TAF1: variants seen among roughly 807,000 people sequenced by gnomAD.
TAF1 encodes transcription initiation factor TFIID subunit 1.
A neutral mutation model predicts 138.5 loss-of-function variants in TAF1; 2 were observed. The ratio of observed to expected loss-of-function variants is 0.01; its 90% CI spans 0.01 to 0.05. TAF1 has a LOEUF of 0.05. Among genes scored for constraint, TAF1 ranks in the 10% least tolerant of loss-of-function variants. TAF1 has a pLI of 1.00. For synonymous variants in TAF1, 437 were observed against 503.2 expected (o/e 0.87, Z 1.76); for missense variants, 709 against 1,478.0 (o/e 0.48, Z 8.53).
In TAF1 at chrX:71,381,962, C is replaced by CT. The variant is rs753190216; in HGVS notation, c.1537+45dup. On this transcript the variant is annotated intron_variant, in intron 9 of 37. Transcript: ENST00000423759. ...GCCAGTGTTTCTTCTCCTTTGAAAA[C>CT]TTGCTGTTAATGTCAACGGGCAGGA... is the stretch of plus-strand genomic sequence containing the variant. The CT allele has an allele frequency of 1.6e-5, 18 of 1,109,675 alleles. No individual in the cohort carries two copies. In the African/African-American group the frequency reaches 3.2e-4, roughly 20 times the overall value. The allele number at this position is 1,109,675 out of a possible 1,213,427, so 91.4% of individuals were successfully genotyped here.
intron 32 of TAF1, among the ~76,000 whole-genome samples, chrX:71,439,991 A>G (rs901355290): frequency 9.0e-6 from 1 of 110,998 alleles, no homozygotes; most frequent in Non-Finnish European, 1.9e-5. Context: ...AGTGTGTGCA[A>G]TTTCGTGCCA....
rs1245071517 is a variant in TAF1 at position 71,464,028 on chromosome X, C to T, written c.5604C>T (p.Asp1868=). 5.9e-6 allele frequency: 7 copies of T among 1,192,255 alleles called. No individual in the cohort carries two copies. The Admixed American group carries it at 1.2e-4, about 20-fold the overall frequency. The change falls in exon 38 of 38, where the codon GAC becomes GAT. Residue 1868 remains aspartate (D), a synonymous_variant. Coordinates refer to ENST00000423759, the MANE Select transcript of TAF1 (RefSeq NM_004606.5). ...TCCACTCCATTGCTGGGGACAGTGACTTGGACTCTGATGAATGAGGCTTCC... is the reference window on the plus strand; with the variant it reads ...TCCACTCCATTGCTGGGGACAGTGATTTGGACTCTGATGAATGAGGCTTCC... ...EDFHSIAGDS[D]LDSDE is the part of the protein sequence containing the mutation.
At chrX:71,377,861 G>A (rs770800420) in intron 6 of TAF1, 40 bp downstream of exon 6, 1 of 1,108,828 alleles carries the variant, frequency 9.0e-7, no homozygotes, top group Non-Finnish European at 1.2e-6. Context: ...CCTATGAGAG[G>A]AACAAATGAA....
At chrX:71,411,757 T>G (rs1206266494) in intron 28 of TAF1, among the ~76,000 whole-genome samples, 1 of 112,141 alleles carries the variant, frequency 8.9e-6, no homozygotes, top group Non-Finnish European at 1.9e-5. Context: ...GTCAGGTTTT[T>G]TGTTTGTTTG....
intron 13 of TAF1, among the ~76,000 whole-genome samples, chrX:71,504,525 A>G (rs2039580548): frequency 9.2e-6 from 1 of 108,861 alleles, no homozygotes; most frequent in African/African-American, 3.4e-5. Flanking sequence ...GTCAAGTGGA[A>G]CCACCCTATT....
chrX:71,454,094 C>A, intron 32 of TAF1, 76 bp from the exon 33 acceptor site: 1 of 905,462 alleles, frequency 1.1e-6, no homozygotes, highest in African/African-American at 1.9e-5. Context: ...GATAATGGGA[C>A]ACACTGCTGA....
At chrX:71,470,245 T>C (rs1435879576), downstream of TAF1, among the ~76,000 whole-genome samples, 1 of 110,819 alleles carries the variant, frequency 9.0e-6, no homozygotes, top group Non-Finnish European at 1.9e-5. Context: ...TTATAAAAGT[T>C]TAAAAAACAT....
At chrX:71,488,588 G>C (rs1200257758) in intron 13 of TAF1, among the ~76,000 whole-genome samples, 1 of 110,705 alleles carries the variant, frequency 9.0e-6, no homozygotes, top group Non-Finnish European at 1.9e-5. Context: ...CAGATCTCCA[G>C]AGCTTTCTCT....
At chrX:71,404,611 A>G (rs2035357489) in intron 25 of TAF1, among the ~76,000 whole-genome samples, 1 of 111,921 alleles carries the variant, frequency 8.9e-6, no homozygotes, top group South Asian at 3.6e-4. Flanking sequence ...TGCTGAGATT[A>G]TAGACATGAG....
At chrX:71,508,086 C>CTCTCTCTATATA (rs4040068) in intron 13 of TAF1, among the ~76,000 whole-genome samples, 23 of 92,180 alleles carry the variant, frequency 2.5e-4, no homozygotes, top group African/African-American at 8.6e-4. Flanking sequence ...CTCTCTCTCT[C>CTCTCTCTATATA]TATATATATA....
At chrX:71,491,182 A>G (rs1290344402) in intron 13 of TAF1, 1 of 109,230 alleles carries the variant, frequency 9.2e-6, no homozygotes, top group Non-Finnish European at 1.9e-5. Flanking sequence ...CATCTTTTTC[A>G]TAGGCAGAAT....
intron 7 of TAF1, 57 bp downstream of exon 7, chrX:71,378,510 A>G (rs957671681): frequency 1.7e-5 from 20 of 1,152,794 alleles, no homozygotes; most frequent in Non-Finnish European, 2.4e-5. Flanking sequence ...TATTACTTTT[A>G]CTAACTTTAC....
intron 25 of TAF1, among the ~76,000 whole-genome samples, chrX:71,403,479 T>C (rs190390317): frequency 9.8e-5 from 11 of 112,414 alleles, no homozygotes; most frequent in African/African-American, 3.5e-4. Context: ...TTAGGTGATA[T>C]GCTTACTGTA....
intron 32 of TAF1, among the ~76,000 whole-genome samples, chrX:71,437,135 GTTTA>G (rs1159035282): frequency 9.0e-6 from 1 of 110,751 alleles, no homozygotes; most frequent in Non-Finnish European, 1.9e-5. Context: ...TTTTTATTTT[GTTTA>G]TTTATTTTTC....
intron 7 of TAF1, 135 bp from the exon 8 acceptor site, chrX:71,378,689 C>G: frequency 2.7e-6 from 2 of 731,978 alleles, no homozygotes; most frequent in Non-Finnish European, 4.1e-6. Context: ...GGCAAATATT[C>G]CTCCGTTATC....
At chrX:71,382,052 A>C (rs977681372) in intron 9 of TAF1, 133 bp downstream of exon 9, 6 of 732,700 alleles carry the variant, frequency 8.2e-6, no homozygotes, top group Non-Finnish European at 1.1e-5. Flanking sequence ...GAGAGAGCGA[A>C]GTTTTGGCTG....
At chrX:71,512,542 C>T (rs893274026) in intron 13 of TAF1, among the ~76,000 whole-genome samples, 2 of 110,730 alleles carry the variant, frequency 1.8e-5, no homozygotes, top group East Asian at 5.7e-4. Context: ...AGGCCAGGCG[C>T]GGTGGCTCAT....
intron 32 of TAF1, among the ~76,000 whole-genome samples, chrX:71,444,697 A>G (rs1382372042): frequency 9.0e-6 from 1 of 110,860 alleles, no homozygotes; most frequent in Non-Finnish European, 1.9e-5. Context: ...AAGTCCTGGG[A>G]TTACAGGTGT....
intron 28 of TAF1, among the ~76,000 whole-genome samples, chrX:71,410,242 T>A (rs1280867639): frequency 9.1e-6 from 1 of 110,385 alleles, no homozygotes; most frequent in African/African-American, 3.3e-5. Flanking sequence ...GATACTGTTA[T>A]AACCCTCATT....
Sources: gnomAD v4.1 joint callset for allele counts (sites outside exome capture counted in the v4.1 genomes callset) on GRCh38, gnomAD v4.1.1 for gene constraint, MANE v1.5 for transcripts, NCBI Gene and HGNC (gene_info 2026-07-23, HGNC 2026-07-21) for gene names.